The following MATN4 variants were observed in gnomAD, a reference collection of about 807,000 sequenced individuals.
MATN4 encodes matrilin 4.
In MATN4, 40 loss-of-function variants were observed where a neutral mutation model predicts 54.6. The observed-to-expected ratio is 0.73, with a 90% CI of 0.57 to 0.95. The LOEUF is 0.95. Ranked by LOEUF, MATN4 falls within the 40% of genes least tolerant of loss-of-function variation. The probability of loss-of-function intolerance (pLI) is 0.00; values close to 1 mark genes in which losing one functional copy is unlikely to be tolerated. For missense variants in MATN4, 810 were observed against 819.1 expected, an observed-to-expected ratio of 0.99 and a Z score of 0.13; for synonymous variants, 351 against 345.3, an observed-to-expected ratio of 1.02 and a Z score of -0.18.
At chr20:45,308,487 T>A (rs2235226), upstream of MATN4, 3 of 542,736 alleles carry the variant, frequency 5.5e-6, no homozygotes, top group African/African-American at 1.9e-5. Context: ...CAGGCTGGAA[T>A]TCAGCTACAG....
chr20:45,304,946 T>C (rs1986493821), intron 2 of MATN4, 149 bp from the exon 3 acceptor site: 1 of 568,114 alleles, frequency 1.8e-6, no homozygotes, highest in Admixed American at 3.4e-5. Flanking sequence ...TCGCCCGGCA[T>C]GTGCCTAGCA....
At chr20:45,300,147 T>C (rs1158294095) in intron 6 of MATN4, among the ~76,000 whole-genome samples, 1 of 152,166 alleles carries the variant, frequency 6.6e-6, no homozygotes, top group Non-Finnish European at 1.5e-5. Context: ...AGTACTTTGA[T>C]ATAGCAGCCT....
intron 8 of MATN4, 126 bp from the exon 9 acceptor site, chr20:45,294,141 C>T: frequency 1.4e-6 from 1 of 709,338 alleles, no homozygotes; most frequent in Non-Finnish European, 2.3e-6. Context: ...GGGCTGAGTC[C>T]CAAGCTAAGT....
In MATN4 at chr20:45,298,005, CCGAGGCGATCT is replaced by C. The variant is rs1354341869; in HGVS notation, c.1481_1491del (p.Glu494GlyfsTer136). On this transcript the variant is annotated frameshift_variant, in exon 8 of 10. Coordinates refer to ENST00000372756, the MANE Select transcript of MATN4 (RefSeq NM_001393530.1). LOFTEE classifies it high-confidence loss of function. The surrounding 1 kb of genome is among the most constrained non-coding windows in gnomAD (Gnocchi z 4.6). ...TAGGACACGTGCAGTTCCGCTGGCTCCGAGGCGATCTCGCGCAGCTCCGCCTCCACCGCCTT... is the reference window on the plus strand; with the variant it reads ...TAGGACACGTGCAGTTCCGCTGGCTCCGCGCAGCTCCGCCTCCACCGCCTT... 1.9e-6 allele frequency: 3 copies of C among 1,614,136 alleles called. No individual in the cohort carries two copies. Among genetic ancestry groups the C allele is most frequent in the Non-Finnish European group, 2.5e-6 (3 of 1,180,028 alleles).
chr20:45,303,109 GAGAGAAA>G (rs1986348968), intron 3 of MATN4, among the ~76,000 whole-genome samples: 1 of 136,384 alleles, frequency 7.3e-6, no homozygotes, highest in Non-Finnish European at 1.7e-5. Flanking sequence ...AAAAAAGAGA[GAGAGAAA>G]AGAAAAGAAG....
In MATN4 at chr20:45,299,980, GGTGTGTGT is replaced by G. The variant is rs55652446; in HGVS notation, c.1012+899_1012+906del. Among the ~76,000 whole-genome samples the G allele has an allele frequency of 2.1e-4, 24 of 114,838 alleles. No individual in the cohort carries two copies. In the East Asian group the frequency reaches 3.5e-3, roughly 17 times the overall value. 75.3% of individuals were successfully genotyped at this position (114,838 alleles called of 152,430 possible). A position where few individuals can be genotyped will look rare whatever the true frequency, so the allele number is the denominator to read the frequency against. Reference sequence around the variant, plus strand: ...GTGTGTGTGGGTGTGTGTGTGTAGGGGTGTGTGTGTGTGTGTGTGTGTTGGCGTGGGGA... The same window carrying G: ...GTGTGTGTGGGTGTGTGTGTGTAGGGGTGTGTGTGTGTGTTGGCGTGGGGA... On this transcript the variant is annotated intron_variant, in intron 6 of 9. Coordinates refer to ENST00000372756, the MANE Select transcript of MATN4 (RefSeq NM_001393530.1).
At position 45,298,144 on chromosome 20, in the gene MATN4, C is replaced by A. The variant is rs1324168215; in HGVS notation, c.1426+26G>T. The A allele has an allele frequency of 8.1e-6, 13 of 1,597,836 alleles. No homozygotes were observed. The highest frequency in any genetic ancestry group is 1.1e-5 in the South Asian group (1 of 90,100). On this transcript the variant is annotated intron_variant, in intron 7 of 9. Transcript: ENST00000372756. The surrounding 1 kb of genome is among the most constrained non-coding windows in gnomAD (Gnocchi z 4.6). The stretch of plus-strand genomic sequence containing the variant: ...CTCCCAGCGTCTGACCCAACCCCAG[C>A]CCACTGTGTCCCATGCCAAGCCCAC...
intron 3 of MATN4, chr20:45,303,245 C>T: frequency 1.8e-6 from 1 of 565,006 alleles, no homozygotes; most frequent in South Asian, 2.3e-5. Context: ...CCAGGCAATA[C>T]CTTTCTTTCT....
chr20:45,293,946 C>A lies in MATN4; in HGVS notation c.1649G>T (p.Gly550Val). ...CECESLVEFQ[G>V]RTLGALESLT... is the part of the protein sequence containing the mutation. ...GCTCTCGAGCGCCCCCAGCGTGCGG[C>A]CCTGGAACTCCACGAGGCTTTCGCA... is the stretch of plus-strand genomic sequence containing the variant. Residue 550 changes from glycine (G) to valine (V), a missense_variant, in exon 9 of 10, where the codon GGC becomes GTC. Gly to Val is a moderately radical substitution (Grantham distance 109). Coordinates refer to ENST00000372756, the MANE Select transcript of MATN4 (RefSeq NM_001393530.1). 1 of 1,602,662 alleles carries A rather than the reference C, an allele frequency of 6.2e-7. No homozygotes were observed. The highest frequency in any genetic ancestry group is 8.5e-7 in the Non-Finnish European group (1 of 1,178,984).
At position 45,298,578 on chromosome 20, in the gene MATN4, G is replaced by A. The variant is rs1457539334; in HGVS notation, c.1018C>T (p.Arg340Trp). 3.9e-6 allele frequency: 6 copies of A among 1,549,800 alleles called. No homozygotes were observed. Among genetic ancestry groups the A allele is most frequent in the South Asian group, 2.5e-5 (2 of 81,388 alleles). Residue 340 changes from arginine (R) to tryptophan (W), a missense_variant, in exon 7 of 10, where the codon CGG becomes TGG. Physicochemically the swap from Arg to Trp is moderately radical, Grantham distance 101 (BLOSUM62 -3). Coordinates refer to ENST00000372756, the MANE Select transcript of MATN4 (RefSeq NM_001393530.1). This position sits in a 1 kb window ranked among gnomAD's most constrained non-coding sequence, Gnocchi z 4.6. Reference protein sequence around the residue: ...QADGKSCNRCREGHVDLVLLV... With the variant: ...QADGKSCNRCWEGHVDLVLLV... ...AGAACAAGGTCCACGTGGCCTTCCCGGCACCCTGCACAGCCAGAAAAGCTT... is the reference window on the plus strand; with the variant it reads ...AGAACAAGGTCCACGTGGCCTTCCCAGCACCCTGCACAGCCAGAAAAGCTT...
In MATN4 at chr20:45,298,249, C is replaced by T. The variant is rs1220900062; in HGVS notation, c.1347G>A (p.Val449=). Residue 449 remains valine (V), a synonymous_variant, in exon 7 of 10, where the codon GTG becomes GTA. Coordinates refer to ENST00000372756, the MANE Select transcript of MATN4 (RefSeq NM_001393530.1). The surrounding 1 kb of genome is among the most constrained non-coding windows in gnomAD (Gnocchi z 4.6). Reference sequence around the variant, plus strand: ...CCGTGAAGACCAGGCCAACACGAGGCACGTTAAGGGCACGGGGCCGTGCAC... The same window carrying T: ...CCGTGAAGACCAGGCCAACACGAGGTACGTTAAGGGCACGGGGCCGTGCAC... ...AQGARPRALN[V]PRVGLVFTDG... is the part of the protein sequence containing the mutation. 3 of 1,612,346 alleles carry T rather than the reference C, an allele frequency of 1.9e-6. No individual in the cohort carries two copies. The highest frequency in any genetic ancestry group is 1.7e-5 in the Admixed American group (1 of 59,982).
chr20:45,304,659 G>A lies in MATN4; in HGVS notation c.212C>T (p.Thr71Met), dbSNP rs533805250. 8 of 1,612,274 alleles carry A rather than the reference G, an allele frequency of 5.0e-6. No individual in the cohort carries two copies. The highest frequency in any genetic ancestry group is 6.8e-6 in the Non-Finnish European group (8 of 1,178,860). ...CGAATACTGGATCACGCCAACGCGCGTGGCGTTGGGACCCACGTTCAGGCC... is the reference window on the plus strand; with the variant it reads ...CGAATACTGGATCACGCCAACGCGCATGGCGTTGGGACCCACGTTCAGGCC... ...LRGLNVGPNA[T>M]RVGVIQYSSQ... The change falls in exon 3 of 10, where the codon ACG becomes ATG. Residue 71 changes from threonine to methionine, a missense_variant. Transcript: ENST00000372756.
intron 6 of MATN4, among the ~76,000 whole-genome samples, chr20:45,300,128 C>T (rs1568874526): frequency 1.3e-5 from 2 of 152,270 alleles, no homozygotes; most frequent in East Asian, 3.9e-4. Flanking sequence ...AACTAAATGT[C>T]TAGTCTACAG....
At chr20:45,304,929 G>A in intron 2 of MATN4, 132 bp from the exon 3 acceptor site, 2 of 581,328 alleles carry the variant, frequency 3.4e-6, no homozygotes, top group Non-Finnish European at 6.0e-6. Flanking sequence ...AGATTAGACA[G>A]ATGCACTCGC....
In MATN4 at chr20:45,293,690, C is replaced by T. The variant is rs112623591; in HGVS notation, c.*77G>A. On this transcript the variant is annotated 3_prime_UTR_variant, in exon 10 of 10. Transcript: ENST00000372756. ...CGGACGGGCCCAGGTTCTGCCTGGCCCCGGCGCACCGATGGCGCGCAAGGG... is the reference window on the plus strand; with the variant it reads ...CGGACGGGCCCAGGTTCTGCCTGGCTCCGGCGCACCGATGGCGCGCAAGGG... 5 of 1,385,186 alleles carry T rather than the reference C, an allele frequency of 3.6e-6. No individual in the cohort carries two copies. Among genetic ancestry groups the T allele is most frequent in the East Asian group, 2.5e-5 (1 of 39,262 alleles). The allele number at this position is 1,385,186 out of a possible 1,614,324, so 85.8% of individuals were successfully genotyped here.
At chr20:45,302,509 A>G (rs1475223213) in intron 3 of MATN4, among the ~76,000 whole-genome samples, 1 of 152,216 alleles carries the variant, frequency 6.6e-6, no homozygotes, top group African/African-American at 2.4e-5. Context: ...AGCAGCTCAC[A>G]CCTGTAATCC....
chr20:45,297,641 T>TA (rs991327830), intron 8 of MATN4, among the ~76,000 whole-genome samples: 1 of 152,152 alleles, frequency 6.6e-6, no homozygotes, highest in Non-Finnish European at 1.5e-5. Flanking sequence ...TAGGATTTCT[T>TA]AGACTTTAAT....
Position 45,293,985 on chromosome 20 carries a change from C to G in MATN4, c.1610G>C (p.Arg537Pro). ...EEGISAGTELRSPCECESLVE... is the reference protein window; with the variant it reads ...EEGISAGTELPSPCECESLVE... ...GAGGCTTTCGCATTCGCATGGGCTC[C>G]GAAGCTCTGTCCCTGCGCTGATGCC... is the stretch of plus-strand genomic sequence containing the variant. The change falls in exon 9 of 10, where the codon CGG becomes CCG. Residue 537 changes from arginine (R) to proline (P), a missense_variant. Transcript: ENST00000372756. The G allele has an allele frequency of 1.2e-6, 2 of 1,603,064 alleles. No individual in the cohort carries two copies. Among genetic ancestry groups the G allele is most frequent in the Non-Finnish European group, 1.7e-6 (2 of 1,179,702 alleles).
chr20:45,304,443 A>G lies in MATN4; in HGVS notation c.428T>C (p.Val143Ala). The G allele has an allele frequency of 6.4e-7, 1 of 1,551,110 alleles. No homozygotes were observed. The highest frequency in any genetic ancestry group is 8.7e-7 in the Non-Finnish European group (1 of 1,143,102). ...CTGGGGCCGCCCGTCTGTCACGATG[A>G]CAGCGACACGCGGCACGCGCTCCTC... The part of the protein sequence containing the change: ...PPEERVPRVA[V>A]IVTDGRPQDR... The change falls in exon 3 of 10, where the codon GTC becomes GCC. Residue 143 changes from valine (V) to alanine (A), a missense_variant. Transcript: ENST00000372756.
Sources: gnomAD v4.1 joint callset for allele counts (sites outside exome capture counted in the v4.1 genomes callset) on GRCh38, gnomAD v4.1.1 for gene constraint, Gnocchi (gnomAD v3.1) non-coding constraint, MANE v1.5 for transcripts, NCBI Gene and HGNC (gene_info 2026-07-23, HGNC 2026-07-21) for gene names.